VPS36: variants seen among roughly 807,000 people sequenced by gnomAD.
VPS36 encodes the protein vacuolar protein-sorting-associated protein 36.
Under a neutral mutation model 63.5 loss-of-function variants are expected in VPS36, and 31 were observed. That is an observed-to-expected ratio of 0.49 (90% CI 0.37 to 0.66). VPS36 has a LOEUF of 0.66. Ranked by LOEUF, VPS36 falls within the 30% of genes least tolerant of loss-of-function variation. The pLI, the probability that VPS36 is intolerant of heterozygous loss-of-function variation, is 0.00. For synonymous variants in VPS36, 138 were observed against 157.2 expected (o/e 0.88, Z 0.91); for missense variants, 338 against 463.7 (o/e 0.73, Z 2.49).
intron 8 of VPS36, 44 bp from the exon 9 acceptor site, chr13:52,426,110 C>T (rs371044193): frequency 9.4e-6 from 15 of 1,599,080 alleles, no homozygotes; most frequent in Middle Eastern, 1.7e-4. Flanking sequence ...CTCTCCACCT[C>T]AATATTTGAA....
intron 9 of VPS36, among the ~76,000 whole-genome samples, chr13:52,425,131 T>C (rs893559163): frequency 7.3e-5 from 11 of 151,130 alleles, no homozygotes; most frequent in African/African-American, 2.7e-4. Context: ...CAGGCACCTG[T>C]AGTCCAAGCT....
intron 2 of VPS36, among the ~76,000 whole-genome samples, chr13:52,440,041 C>T (rs1958260743): frequency 6.6e-6 from 1 of 150,756 alleles, no homozygotes; most frequent in African/African-American, 2.4e-5. Context: ...TGCAGTAGTA[C>T]AATCTAGGCT....
Position 52,428,596 on chromosome 13 carries a change from GAA to G in VPS36, c.529-1379_529-1378del, listed in dbSNP as rs1314023770. ...AGCAGATGCAGGAAACCCTTTGTGAGAAACTCTGGGCGCCAGCTCTGAAACTA... is the reference window on the plus strand; with the variant it reads ...AGCAGATGCAGGAAACCCTTTGTGAGACTCTGGGCGCCAGCTCTGAAACTA... On this transcript the variant is annotated intron_variant, in intron 6 of 13. Transcript: ENST00000378060. Among the ~76,000 whole-genome samples, 15 of 152,332 alleles carry G rather than the reference GAA, an allele frequency of 9.8e-5. No homozygotes were observed. In the East Asian group the frequency reaches 2.5e-3, roughly 25 times the overall value.
intron 1 of VPS36, among the ~76,000 whole-genome samples, chr13:52,444,431 G>T (rs1958314584): frequency 6.6e-6 from 1 of 151,036 alleles, no homozygotes. Flanking sequence ...CTGCACTCCA[G>T]CCTGGGTGAC....
intron 10 of VPS36, 29 bp from the exon 11 acceptor site, chr13:52,418,085 T>G: frequency 6.4e-7 from 1 of 1,564,014 alleles, no homozygotes; most frequent in Non-Finnish European, 8.8e-7. Context: ...CCAGTAATGC[T>G]ATACAATGGT....
chr13:52,422,238 C>A (rs1423563491), intron 10 of VPS36, among the ~76,000 whole-genome samples: 2 of 152,140 alleles, frequency 1.3e-5, no homozygotes, highest in Non-Finnish European at 2.9e-5. Context: ...GTCTGGCTTA[C>A]TTCACTTAAC....
chr13:52,450,220 A>G, intron 1 of VPS36: 1 of 1,072,900 alleles, frequency 9.3e-7, no homozygotes, highest in Non-Finnish European at 1.1e-6. Context: ...TCCCGGAAGC[A>G]TTCCGGGCGG....
In VPS36 at chr13:52,450,033, G is replaced by T. The variant is rs1451425859; in HGVS notation, c.96+466C>A. 4.1e-6 allele frequency: 4 copies of T among 987,130 alleles called. No individual in the cohort carries two copies. The East Asian group carries it at 4.5e-4, about 111-fold the overall frequency. The allele number at this position is 987,130 out of a possible 1,614,324, so 61.1% of individuals were successfully genotyped here. A position where few individuals can be genotyped will look rare whatever the true frequency, so the allele number is the denominator to read the frequency against. The stretch of plus-strand genomic sequence containing the variant: ...AAGCTAAAGCTTCCGCTGGGGCACG[G>T]ACTGTACGGCCACCGCGCCCTCCTC... On this transcript the variant is annotated intron_variant, in intron 1 of 13. Transcript: ENST00000378060.
intron 1 of VPS36, among the ~76,000 whole-genome samples, chr13:52,445,816 T>G (rs536699955): frequency 1.8e-4 from 25 of 139,932 alleles, no homozygotes; most frequent in Non-Finnish European, 4.6e-5. Flanking sequence ...AGCGGGTGCC[T>G]GTAGTCCCAG....
In VPS36 at chr13:52,415,776, C is replaced by G; in HGVS notation, c.*54G>C. The G allele has an allele frequency of 6.5e-7, 1 of 1,528,106 alleles. No individual in the cohort carries two copies. The highest frequency in any genetic ancestry group is 1.2e-5 in the South Asian group (1 of 86,726). 94.7% of individuals were successfully genotyped at this position (1,528,106 alleles called of 1,614,324 possible). On this transcript the variant is annotated 3_prime_UTR_variant, in exon 14 of 14. Coordinates refer to ENST00000378060, the MANE Select transcript of VPS36 (RefSeq NM_016075.4). ...GTTTATCTCTTAGCTCAATGTCATA[C>G]AACCTCTACATGACGCAAGCATATG...
At chr13:52,429,123 T>A in intron 6 of VPS36, 1 of 251,970 alleles carries the variant, frequency 4.0e-6, no homozygotes, top group South Asian at 1.5e-4. Flanking sequence ...GAACCTTGTA[T>A]CCCTCTACCA....
chr13:52,422,458 G>A (rs188957011), intron 10 of VPS36, among the ~76,000 whole-genome samples: 1 of 152,248 alleles, frequency 6.6e-6, no homozygotes, highest in African/African-American at 2.4e-5. Flanking sequence ...ATAAACTCGT[G>A]TCACTAGGGT....
chr13:52,443,044 AC>A (rs1958297009), intron 1 of VPS36, among the ~76,000 whole-genome samples: 1 of 152,362 alleles, frequency 6.6e-6, no homozygotes, highest in Admixed American at 6.5e-5. Flanking sequence ...ACAAATACAT[AC>A]AAAAATAAAT....
At chr13:52,421,192 A>G (rs1377203378) in intron 10 of VPS36, among the ~76,000 whole-genome samples, 2 of 152,228 alleles carry the variant, frequency 1.3e-5, no homozygotes, top group African/African-American at 4.8e-5. Flanking sequence ...TCAGCACAAA[A>G]CAGAATAAAA....
chr13:52,444,182 GT>G (rs1426834411), intron 1 of VPS36, among the ~76,000 whole-genome samples: 3 of 152,204 alleles, frequency 2.0e-5, no homozygotes, highest in African/African-American at 7.2e-5. Flanking sequence ...ATATGGCCGG[GT>G]GCCATGGCTC....
chr13:52,418,573 C>CAAAAAAAAAAAAA (rs1201650906), intron 10 of VPS36, among the ~76,000 whole-genome samples: 2 of 31,174 alleles, frequency 6.4e-5, no homozygotes, highest in African/African-American at 9.7e-5. Flanking sequence ...GACTCCATCT[C>CAAAAAAAAAAAAA]AAAAAAAAAA....
chr13:52,423,845 CTTTATT>C (rs538876646), intron 9 of VPS36, among the ~76,000 whole-genome samples: 4 of 152,044 alleles, frequency 2.6e-5, no homozygotes, highest in East Asian at 3.9e-4. Context: ...GTCATTACCA[CTTTATT>C]TTTATTTTTA....
At chr13:52,439,850 T>C (rs1189460230) in intron 2 of VPS36, among the ~76,000 whole-genome samples, 1 of 152,236 alleles carries the variant, frequency 6.6e-6, no homozygotes, top group African/African-American at 2.4e-5. Flanking sequence ...CAAGATAATT[T>C]TAAGGAGGGC....
chr13:52,422,618 C>G (rs1297423945), intron 10 of VPS36, among the ~76,000 whole-genome samples: 1 of 152,172 alleles, frequency 6.6e-6, no homozygotes, highest in Non-Finnish European at 1.5e-5. Context: ...AAGTTCCCAT[C>G]ATTTAGCTCC....
Sources: allele counts gnomAD v4.1 joint callset (sites outside exome capture counted in the v4.1 genomes callset), GRCh38; gene constraint gnomAD v4.1.1; transcripts MANE v1.5; gene names NCBI Gene and HGNC (gene_info 2026-07-23, HGNC 2026-07-21).